TIAM2: variants seen among roughly 807,000 people sequenced by gnomAD.
TIAM2 encodes the protein rho guanine nucleotide exchange factor TIAM2.
A neutral mutation model predicts 152.9 loss-of-function variants in TIAM2; 80 were observed. That is an observed-to-expected ratio of 0.52 (90% CI 0.44 to 0.63). The LOEUF (loss-of-function observed/expected upper bound fraction) is 0.63, where lower values mean the gene tolerates loss of function less well. Ranked by LOEUF, TIAM2 falls within the 30% of genes least tolerant of loss-of-function variation. The pLI is 0.00. For missense variants in TIAM2, 1,965 were observed against 2,120.1 expected, an observed-to-expected ratio of 0.93 and a Z score of 1.44; for synonymous variants, 804 against 838.0, an observed-to-expected ratio of 0.96 and a Z score of 0.70.
chr6:155,243,115 CCTG>C (rs1473436526), intron 16 of TIAM2, among the ~76,000 whole-genome samples: 10 of 152,152 alleles, frequency 6.6e-5, no homozygotes, highest in Non-Finnish European at 1.2e-4. Flanking sequence ...ACTATACTGT[CCTG>C]CTGGAACCTC....
At chr6:155,254,316 C>T in intron 25 of TIAM2, 103 bp from the exon 26 acceptor site, 1 of 1,476,962 alleles carries the variant, frequency 6.8e-7, no homozygotes. Context: ...TGGCTGGCAG[C>T]CTGGTCCAGC....
chr6:155,250,619 A>G, intron 21 of TIAM2: 1 of 1,535,992 alleles, frequency 6.5e-7, no homozygotes, highest in Non-Finnish European at 8.7e-7. Flanking sequence ...AGAACCACGG[A>G]CACTGGTAGA....
chr6:155,013,444 A>G (rs1177365956), intron 1 of TIAM2, among the ~76,000 whole-genome samples: 3 of 152,190 alleles, frequency 2.0e-5, no homozygotes, highest in Non-Finnish European at 4.4e-5. Context: ...ACCAACATTT[A>G]CTACATACCT....
At chr6:155,130,950 G>A (rs1779432008) in intron 4 of TIAM2, among the ~76,000 whole-genome samples, 1 of 145,142 alleles carries the variant, frequency 6.9e-6, no homozygotes, top group East Asian at 2.2e-4. Context: ...ATCATCCACT[G>A]GTAGTTAAGG....
intron 9 of TIAM2, among the ~76,000 whole-genome samples, chr6:155,168,153 T>C (rs562278234): frequency 3.9e-5 from 6 of 152,292 alleles, no homozygotes; most frequent in African/African-American, 9.6e-5. Context: ...CATTACAAAA[T>C]TTAGAAGGTG....
In TIAM2 at chr6:155,253,025, G is replaced by C; in HGVS notation, c.4197G>C (p.Ala1399=). 6.2e-7 allele frequency: 1 copy of C among 1,614,106 alleles called. No homozygotes were observed. Among genetic ancestry groups the C allele is most frequent in the Non-Finnish European group, 8.5e-7 (1 of 1,180,022 alleles). ...TCCGCTGGTTGATCCCCATCTCCGC[G>C]CTTCAAGTCAGACTGGGGAATCCAG... ...FKFRWLIPIS[A]LQVRLGNPAG... The change falls in exon 24 of 27, where the codon GCG becomes GCC. Residue 1399 remains alanine, a synonymous_variant. Coordinates refer to ENST00000682666, the MANE Select transcript of TIAM2 (RefSeq NM_012454.4).
intron 9 of TIAM2, among the ~76,000 whole-genome samples, chr6:155,169,870 G>T (rs1223461111): frequency 1.3e-5 from 2 of 151,916 alleles, no homozygotes; most frequent in Non-Finnish European, 2.9e-5. Context: ...CCAGGCTGGA[G>T]TGCAGTGGCG....
chr6:155,203,048 C>CAAAAAAAAAAAAAAAAAAAAAA (rs59836931), intron 14 of TIAM2, among the ~76,000 whole-genome samples: 6 of 78,880 alleles, frequency 7.6e-5, no homozygotes, highest in African/African-American at 3.4e-4. Context: ...AACTCTGTCT[C>CAAAAAAAAAAAAAAAAAAAAAA]AAAAAAAAAA....
At chr6:155,063,463 G>A (rs1182655038) in intron 1 of TIAM2, among the ~76,000 whole-genome samples, 2 of 151,908 alleles carry the variant, frequency 1.3e-5, no homozygotes, top group Admixed American at 1.3e-4. Flanking sequence ...CTTTATCTGG[G>A]TGATAGTTAC....
At chr6:155,225,624 C>T (rs1782215935) in intron 15 of TIAM2, among the ~76,000 whole-genome samples, 1 of 152,134 alleles carries the variant, frequency 6.6e-6, no homozygotes, top group African/African-American at 2.4e-5. Context: ...GCTTTGGTTC[C>T]CATGTATTTA....
At chr6:155,084,523 A>G (rs1562310830) in intron 1 of TIAM2, among the ~76,000 whole-genome samples, 1 of 152,232 alleles carries the variant, frequency 6.6e-6, no homozygotes, top group Non-Finnish European at 1.5e-5. Context: ...TGATGTGATC[A>G]CCAGCCTAGG....
At chr6:155,001,095 G>A (rs1778305666) in intron 1 of TIAM2, among the ~76,000 whole-genome samples, 1 of 139,666 alleles carries the variant, frequency 7.2e-6, no homozygotes, top group African/African-American at 2.7e-5. Context: ...ATCATCAAAG[G>A]TGGTGGCAGT....
chr6:154,998,110 G>T (rs1288762920), intron 1 of TIAM2, among the ~76,000 whole-genome samples: 3 of 152,180 alleles, frequency 2.0e-5, no homozygotes, highest in Non-Finnish European at 4.4e-5. Flanking sequence ...GAATCTGCGA[G>T]TGTGAATTCA....
Position 155,214,408 on chromosome 6 carries a change from G to A in TIAM2, c.3168+3101G>A, listed in dbSNP as rs1473946341. Among the ~76,000 whole-genome samples, 1 of 152,168 alleles carries A rather than the reference G, an allele frequency of 6.6e-6. No homozygotes were observed. The highest frequency in any genetic ancestry group is 1.5e-5 in the Non-Finnish European group (1 of 68,020). ...GGTTAGAGCCTGCCAGCTTCAGAAC[G>A]GATGCTTCTGGTTCCGAAGCAGCTG... On this transcript the variant is annotated intron_variant, in intron 15 of 26. Transcript: ENST00000682666. This position sits in a 1 kb window ranked among gnomAD's most constrained non-coding sequence, Gnocchi z 5.4.
rs61272546 is a variant in TIAM2, at chr6:155,205,182, TAAAAAAAAAAAAAAAAA to T, written c.3065-6000_3065-5984del. Reference sequence around the variant, plus strand: ...TATAGCAACTACCATTATTAATTTCTAAAAAAAAAAAAAAAAAAAAAAAAAAAAAAAAAAAAAAGTCA... The same window carrying T: ...TATAGCAACTACCATTATTAATTTCTAAAAAAAAAAAAAAAAAAAAAGTCA... On this transcript the variant is annotated intron_variant, in intron 14 of 26. Coordinates refer to ENST00000682666, the MANE Select transcript of TIAM2 (RefSeq NM_012454.4). Among the ~76,000 whole-genome samples, 69 of 40,548 alleles carry T rather than the reference TAAAAAAAAAAAAAAAAA, an allele frequency of 1.7e-3. No homozygotes were observed. In the South Asian group the frequency reaches 0.025, roughly 15 times the overall value. The allele number at this position is 40,548 out of a possible 152,430, so 26.6% of individuals were successfully genotyped here. A position where few individuals can be genotyped will look rare whatever the true frequency, so the allele number is the denominator to read the frequency against.
At chr6:155,168,038 T>C (rs967940936) in intron 9 of TIAM2, among the ~76,000 whole-genome samples, 3 of 152,240 alleles carry the variant, frequency 2.0e-5, no homozygotes, top group African/African-American at 7.2e-5. Context: ...TTTTTTGTTT[T>C]AAAAAGATAT....
rs910189401 is a variant in TIAM2 at position 155,178,061 on chromosome 6, A to T, written c.2524-978A>T. On this transcript the variant is annotated intron_variant, in intron 10 of 26. Transcript: ENST00000682666. ...CTGTAGTCCCAGCTACTCGGGAGGC[A>T]GAGGCAGGAGAATGGCGTCAACCTG... Among the ~76,000 whole-genome samples, 10 of 151,650 alleles carry T rather than the reference A, an allele frequency of 6.6e-5. No individual in the cohort carries two copies. The South Asian group carries it at 1.2e-3, about 19-fold the overall frequency.
chr6:155,182,377 T>G (rs1583234780), intron 13 of TIAM2, 59 bp downstream of exon 13: 1 of 1,374,140 alleles, frequency 7.3e-7, no homozygotes, highest in Non-Finnish European at 1.0e-6. Context: ...GGATACAGTC[T>G]GGCTAGTGAA....
rs1554233588 is a variant in TIAM2, at chr6:155,137,426, A to T, written c.1444A>T (p.Thr482Ser). ...NTENIETSTE[T>S]AESSSESLSS... ...TGAGAACATAGAAACATCTACAGAA[A>T]CCGCCGAGTCCAGCAGCGAGTCACT... Residue 482 changes from threonine (T) to serine (S), a missense_variant, in exon 5 of 27, where the codon ACC (threonine) becomes TCC (serine). Transcript: ENST00000682666. 1 of 1,614,120 alleles carries T rather than the reference A, an allele frequency of 6.2e-7. No individual in the cohort carries two copies. The highest frequency in any genetic ancestry group is 8.5e-7 in the Non-Finnish European group (1 of 1,180,006).
Sources: gnomAD v4.1 joint callset for allele counts (sites outside exome capture counted in the v4.1 genomes callset) on GRCh38, gnomAD v4.1.1 for gene constraint, Gnocchi (gnomAD v3.1) non-coding constraint, MANE v1.5 for transcripts, NCBI Gene and HGNC (gene_info 2026-07-23, HGNC 2026-07-21) for gene names.